TENM3: variants seen among roughly 807,000 people sequenced by gnomAD.
TENM3 encodes the protein teneurin-3.
Under a neutral mutation model 255.1 loss-of-function variants are expected in TENM3, and 63 were observed. The observed-to-expected ratio is 0.25, with a 90% CI of 0.20 to 0.30. The LOEUF is 0.30. Ranked by LOEUF, TENM3 falls within the 10% of genes least tolerant of loss-of-function variation. The pLI is 1.00. For missense variants in TENM3, 2,929 were observed against 3,461.1 expected (o/e 0.85, Z 3.86); for synonymous variants, 1,306 against 1,322.3 (o/e 0.99, Z 0.27).
intron 1 of TENM3, among the ~76,000 whole-genome samples, chr4:182,185,658 C>G (rs1231538145): frequency 2.0e-5 from 3 of 152,170 alleles, no homozygotes; most frequent in Non-Finnish European, 4.4e-5. Context: ...CAAAGTAGCA[C>G]AGAGCACTGT....
chr4:182,623,155 C>T lies in TENM3; in HGVS notation c.750-5496C>T, dbSNP rs540644282. 5.1e-3 allele frequency among the ~76,000 whole-genome samples: 780 copies of T among 151,894 alleles called. 5 individuals carry two copies. Among genetic ancestry groups the T allele is most frequent in the Non-Finnish European group, 8.6e-3 (587 of 67,904 alleles). On this transcript the variant is annotated intron_variant, in intron 4 of 27. Transcript: ENST00000511685. ...CCTCCCGAGTAGCTGGGACTACAGGCGCCCACCACCACGCCCGGCTAAATT... is the reference window on the plus strand; with the variant it reads ...CCTCCCGAGTAGCTGGGACTACAGGTGCCCACCACCACGCCCGGCTAAATT...
chr4:182,273,496 G>A (rs1308784899), intron 1 of TENM3, among the ~76,000 whole-genome samples: 1 of 152,200 alleles, frequency 6.6e-6, no homozygotes, highest in Non-Finnish European at 1.5e-5. Context: ...GAGTGAATCA[G>A]TAACATGATA....
chr4:182,293,941 C>G (rs759129675), intron 1 of TENM3, among the ~76,000 whole-genome samples: 1 of 150,162 alleles, frequency 6.7e-6, no homozygotes, highest in Admixed American at 6.6e-5. Context: ...CCAAATGCCT[C>G]GACAATGACA....
chr4:181,573,965 T>C, the TENM3 span, among the ~76,000 whole-genome samples: 6 of 152,124 alleles, frequency 3.9e-5, no homozygotes, highest in Non-Finnish European at 8.8e-5. Context: ...CCTTAAGATA[T>C]CATACAGGCA....
the TENM3 span, among the ~76,000 whole-genome samples, chr4:181,557,838 A>G: frequency 1.3e-5 from 2 of 152,188 alleles, no homozygotes; most frequent in African/African-American, 2.4e-5. Flanking sequence ...ACCTCTCCAT[A>G]TATTTCTACA....
intron 1 of TENM3, among the ~76,000 whole-genome samples, chr4:182,243,951 T>C (rs949901451): frequency 1.0e-4 from 14 of 134,610 alleles, no homozygotes; most frequent in African/African-American, 3.4e-4. Flanking sequence ...GTTTTCTTTT[T>C]TTTTTTTTTT....
intron 1 of TENM3, among the ~76,000 whole-genome samples, chr4:182,176,323 G>A (rs1006977646): frequency 7.3e-6 from 1 of 136,068 alleles, no homozygotes; most frequent in Non-Finnish European, 1.7e-5. Flanking sequence ...TGTGTCTTTT[G>A]GCAGATTACC....
chr4:182,157,383 T>A (rs1233747339), intron 1 of TENM3, among the ~76,000 whole-genome samples: 1 of 152,222 alleles, frequency 6.6e-6, no homozygotes, highest in Non-Finnish European at 1.5e-5. Flanking sequence ...TGTTGCACGC[T>A]TGCCCACAAA....
At chr4:181,568,560 C>T in the TENM3 span, among the ~76,000 whole-genome samples, 9 of 152,116 alleles carry the variant, frequency 5.9e-5, no homozygotes, top group African/African-American at 2.2e-4. Context: ...CCATTGCAGA[C>T]CCTGTGTGAC....
intron 1 of TENM3, among the ~76,000 whole-genome samples, chr4:182,260,875 T>C (rs1046990429): frequency 1.3e-5 from 2 of 152,160 alleles, no homozygotes; most frequent in African/African-American, 2.4e-5. Context: ...ATTCATTATT[T>C]TCTTTCTTTT....
the TENM3 span, among the ~76,000 whole-genome samples, chr4:181,491,680 T>C: frequency 6.6e-6 from 1 of 152,142 alleles, no homozygotes; most frequent in Non-Finnish European, 1.5e-5. Flanking sequence ...AAAAGTAGGT[T>C]AAGTAATGAT....
chr4:182,598,084 T>C (rs1034451646), intron 3 of TENM3, among the ~76,000 whole-genome samples: 2 of 152,118 alleles, frequency 1.3e-5, no homozygotes, highest in African/African-American at 2.4e-5. Context: ...GAGGCTGAGG[T>C]GGGATTGATT....
In TENM3 at chr4:182,445,327, G is replaced by A. The variant is rs80005856; in HGVS notation, c.511+98398G>A. ...GAGATTAGAAAATTAAATAAAAATG[G>A]TGTGTATCAAATGCCAGTCATAAAA... On this transcript the variant is annotated intron_variant, in intron 3 of 27. Coordinates refer to ENST00000511685, the MANE Select transcript of TENM3 (RefSeq NM_001080477.4). Among the ~76,000 whole-genome samples, 8 of 152,256 alleles carry A rather than the reference G, an allele frequency of 5.3e-5. No individual in the cohort carries two copies. The East Asian group carries it at 9.6e-4, about 18-fold the overall frequency.
At chr4:181,589,078 C>T in the TENM3 span, among the ~76,000 whole-genome samples, 2 of 151,998 alleles carry the variant, frequency 1.3e-5, no homozygotes, top group South Asian at 4.2e-4. Flanking sequence ...ACAGACTCTA[C>T]CAAAGGAGCT....
intron 3 of TENM3, among the ~76,000 whole-genome samples, chr4:182,496,185 C>T (rs1313061629): frequency 6.6e-6 from 1 of 152,096 alleles, no homozygotes; most frequent in African/African-American, 2.4e-5. Context: ...TCATATTCTG[C>T]CAGTAGTTTG....
chr4:182,610,549 A>G (rs1448774626), intron 4 of TENM3, among the ~76,000 whole-genome samples: 1 of 151,954 alleles, frequency 6.6e-6, no homozygotes, highest in Non-Finnish European at 1.5e-5. Flanking sequence ...CAGGTTTGGT[A>G]GCATGTGCCT....
the TENM3 span, among the ~76,000 whole-genome samples, chr4:181,928,454 A>C: frequency 6.6e-6 from 1 of 151,970 alleles, no homozygotes; most frequent in African/African-American, 2.4e-5. Context: ...AACTTGATGA[A>C]ATAAAGCAGG....
At chr4:181,632,054 G>T in the TENM3 span, among the ~76,000 whole-genome samples, 1 of 152,218 alleles carries the variant, frequency 6.6e-6, no homozygotes, top group Admixed American at 6.5e-5. Context: ...GTGAGGTGTG[G>T]TGTATTAGTC....
intron 3 of TENM3, among the ~76,000 whole-genome samples, chr4:182,360,300 T>C (rs1765870007): frequency 7.6e-6 from 1 of 131,084 alleles, no homozygotes; most frequent in Non-Finnish European, 1.6e-5. Flanking sequence ...CTCGTTGATC[T>C]GTCTAATGTT....
Sources: allele counts gnomAD v4.1 joint callset (sites outside exome capture counted in the v4.1 genomes callset), GRCh38; gene constraint gnomAD v4.1.1; transcripts MANE v1.5; gene names NCBI Gene and HGNC (gene_info 2026-07-23, HGNC 2026-07-21).